The following METTL15 variants were observed in gnomAD, a reference collection of about 807,000 sequenced individuals.
The protein encoded by METTL15 is methyltransferase 15, mitochondrial 12S rRNA N4-cytidine, also known as 12S rRNA N(4)-cytidine methyltransferase METTL15.
METTL15 carries 34 observed loss-of-function variants against 38.3 expected under a neutral mutation model. That is an observed-to-expected ratio of 0.89 (90% confidence interval 0.68 to 1.18). The LOEUF (loss-of-function observed/expected upper bound fraction) is 1.18. METTL15 is among the 50% of genes most tolerant of loss of function. The pLI is 0.00. For missense variants in METTL15, 438 were observed against 498.4 expected (o/e 0.88, Z 1.15); for synonymous variants, 162 against 170.9 (o/e 0.95, Z 0.41).
At chr11:28,309,248 C>G (rs1352787740) in intron 6 of METTL15, among the ~76,000 whole-genome samples, 3 of 152,176 alleles carry the variant, frequency 2.0e-5, no homozygotes, top group Admixed American at 2.0e-4. Context: ...CCTGGCTGAT[C>G]ACACAAATCT....
intron 6 of METTL15, among the ~76,000 whole-genome samples, chr11:28,441,062 T>A (rs922443957): frequency 6.9e-6 from 1 of 145,084 alleles, no homozygotes; most frequent in Non-Finnish European, 1.5e-5. Flanking sequence ...GACACTACTT[T>A]TTTTTTTTTT....
In METTL15 at chr11:28,332,770, C is replaced by T. The variant is rs1423567205; in HGVS notation, c.*1929C>T. ...AGGAGTTCAAGACCAGCCTGGCCAACATGGCGAAAACCCATCTCTACTAAA... is the reference window on the plus strand; with the variant it reads ...AGGAGTTCAAGACCAGCCTGGCCAATATGGCGAAAACCCATCTCTACTAAA... On this transcript the variant is annotated 3_prime_UTR_variant, in exon 7 of 7. Transcript: ENST00000407364. 1 of 151,938 alleles carries T rather than the reference C, an allele frequency of 6.6e-6. No individual in the cohort carries two copies. The highest frequency in any genetic ancestry group is 2.4e-5 in the African/African-American group (1 of 41,226). The allele number at this position is 151,938 out of a possible 1,614,324, so 9.4% of individuals were successfully genotyped here.
intron 6 of METTL15, among the ~76,000 whole-genome samples, chr11:28,312,416 C>A (rs1857336147): frequency 6.6e-6 from 1 of 152,152 alleles, no homozygotes; most frequent in Admixed American, 6.6e-5. Context: ...TGGGCTTCAG[C>A]TGTCTATCTC....
chr11:28,474,917 G>GT (rs1293851644), intron 6 of METTL15, among the ~76,000 whole-genome samples: 1 of 152,196 alleles, frequency 6.6e-6, no homozygotes, highest in Non-Finnish European at 1.5e-5. Flanking sequence ...AGTGCCCTAT[G>GT]TTTAACACAT....
chr11:28,323,057 T>G (rs192605272), intron 6 of METTL15, among the ~76,000 whole-genome samples: 1 of 152,198 alleles, frequency 6.6e-6, no homozygotes, highest in African/African-American at 2.4e-5. Context: ...TATACACCTA[T>G]ATGTATTTTT....
intron 5 of METTL15, among the ~76,000 whole-genome samples, chr11:28,407,378 C>T (rs1850683455): frequency 1.3e-5 from 2 of 152,220 alleles, no homozygotes. Flanking sequence ...AATGGACAAC[C>T]TGTGGAATGG....
At chr11:28,136,959 T>C (rs901325821) in intron 3 of METTL15, among the ~76,000 whole-genome samples, 1 of 152,180 alleles carries the variant, frequency 6.6e-6, no homozygotes, top group Non-Finnish European at 1.5e-5. Context: ...GAAAATCCTG[T>C]TTAAGAGAGA....
chr11:28,195,109 A>G (rs1216101446), intron 3 of METTL15, among the ~76,000 whole-genome samples: 1 of 152,068 alleles, frequency 6.6e-6, no homozygotes, highest in Non-Finnish European at 1.5e-5. Flanking sequence ...GTTGATGAGC[A>G]TTTAGGTTGA....
intron 4 of METTL15, among the ~76,000 whole-genome samples, chr11:28,239,119 A>G (rs555852970): frequency 7.9e-5 from 12 of 152,248 alleles, no homozygotes; most frequent in Non-Finnish European, 1.3e-4. Flanking sequence ...TGTAAAAACT[A>G]TCTACACATT....
chr11:28,119,077 C>T (rs765204942), intron 3 of METTL15, among the ~76,000 whole-genome samples: 1 of 152,130 alleles, frequency 6.6e-6, no homozygotes, highest in Non-Finnish European at 1.5e-5. Context: ...ATCCTTCAGG[C>T]CTGGAGTCAG....
chr11:28,374,659 C>T (rs1296276174), intron 5 of METTL15, among the ~76,000 whole-genome samples: 1 of 149,234 alleles, frequency 6.7e-6, no homozygotes, highest in Non-Finnish European at 1.5e-5. Context: ...CCCTTTATTT[C>T]CTTCTCCTGC....
chr11:28,310,769 C>A (rs921712331), intron 6 of METTL15, among the ~76,000 whole-genome samples: 3 of 152,076 alleles, frequency 2.0e-5, no homozygotes, highest in Admixed American at 6.6e-5. Context: ...CTAAACATGT[C>A]TTACATTGTA....
chr11:28,235,366 G>T (rs1014835124), intron 4 of METTL15, among the ~76,000 whole-genome samples: 47 of 152,062 alleles, frequency 3.1e-4, no homozygotes, highest in African/African-American at 1.1e-3. Context: ...GCTTGATGGG[G>T]ATGGCATTGA....
At chr11:28,155,606 A>T (rs1043159986) in intron 3 of METTL15, among the ~76,000 whole-genome samples, 1 of 152,150 alleles carries the variant, frequency 6.6e-6, no homozygotes, top group African/African-American at 2.4e-5. Flanking sequence ...CATATTGCAT[A>T]TAGGATCTGT....
chr11:28,215,948 T>C (rs1852845825), intron 4 of METTL15, among the ~76,000 whole-genome samples: 1 of 152,100 alleles, frequency 6.6e-6, no homozygotes, highest in South Asian at 2.1e-4. Flanking sequence ...GAGATTGCAG[T>C]GAGCTGTAGT....
intron 6 of METTL15, among the ~76,000 whole-genome samples, chr11:28,523,066 G>A (rs1300714349): frequency 2.0e-5 from 3 of 152,074 alleles, no homozygotes; most frequent in Non-Finnish European, 4.4e-5. Flanking sequence ...GAGGCAAGAC[G>A]GATTATAAAC....
intron 6 of METTL15, among the ~76,000 whole-genome samples, chr11:28,505,824 G>C (rs902215751): frequency 1.3e-5 from 2 of 152,174 alleles, no homozygotes; most frequent in African/African-American, 4.8e-5. Flanking sequence ...ATAAAAAGTT[G>C]AGTGACTGTG....
chr11:28,332,322 C>T lies in METTL15; in HGVS notation c.*1481C>T, dbSNP rs1418003268. The T allele has an allele frequency of 1.3e-5, 2 of 152,092 alleles. No individual in the cohort carries two copies. Among genetic ancestry groups the T allele is most frequent in the East Asian group, 3.9e-4 (2 of 5,192 alleles). 9.4% of individuals were successfully genotyped at this position (152,092 alleles called of 1,614,324 possible). The stretch of plus-strand genomic sequence containing the variant: ...CTACTTGAACATTGTATAAATTTCT[C>T]TTTGCATATAATACATATTTGTGAA... On this transcript the variant is annotated 3_prime_UTR_variant, in exon 7 of 7. Coordinates refer to ENST00000407364, the MANE Select transcript of METTL15 (RefSeq NM_001113528.2).
chr11:28,318,584 A>G (rs752077542), intron 6 of METTL15, among the ~76,000 whole-genome samples: 2 of 152,212 alleles, frequency 1.3e-5, no homozygotes, highest in African/African-American at 2.4e-5. Flanking sequence ...AGTTTTCTCT[A>G]TCAACATTTC....
Sources: allele counts gnomAD v4.1 joint callset (sites outside exome capture counted in the v4.1 genomes callset), GRCh38; gene constraint gnomAD v4.1.1; transcripts MANE v1.5; gene names NCBI Gene and HGNC (gene_info 2026-07-23, HGNC 2026-07-21).